The following SEMA4D variants were observed in gnomAD, a reference collection of about 807,000 sequenced individuals.
SEMA4D encodes the protein semaphorin-4D.
SEMA4D carries 22 observed loss-of-function variants against 74.8 expected under a neutral mutation model. The ratio of observed to expected loss-of-function variants is 0.29; its 90% CI spans 0.21 to 0.42. The LOEUF (loss-of-function observed/expected upper bound fraction) is 0.42. Among genes scored for constraint, SEMA4D ranks in the 10% least tolerant of loss-of-function variants. The pLI is 1.00. For synonymous variants in SEMA4D, 445 were observed against 463.7 expected (o/e 0.96, Z 0.52); for missense variants, 937 against 1,118.4 (o/e 0.84, Z 2.31).
chr9:89,449,692 T>A (rs536365947), intron 2 of SEMA4D: 2 of 1,519,340 alleles, frequency 1.3e-6, no homozygotes, highest in Non-Finnish European at 1.8e-6. Flanking sequence ...GGTGTGTCAG[T>A]ACTGAGCCTG....
At chr9:89,408,594 C>G (rs182873667) in intron 2 of SEMA4D, among the ~76,000 whole-genome samples, 2 of 152,210 alleles carry the variant, frequency 1.3e-5, no homozygotes, top group Non-Finnish European at 2.9e-5. Flanking sequence ...GCCAGGCTGC[C>G]CCATCCCTTA....
At position 89,381,136 on chromosome 9, in the gene SEMA4D, A is replaced by G; in HGVS notation, c.1619+38T>C. 2 of 1,614,052 alleles carry G rather than the reference A, an allele frequency of 1.2e-6. No individual in the cohort carries two copies. The highest frequency in any genetic ancestry group is 1.7e-6 in the Non-Finnish European group (2 of 1,179,992). ...CGGCACGTGTTATTCACCCACACACATGGGGGACATCCCCAGGCAGCGCAT... is the reference window on the plus strand; with the variant it reads ...CGGCACGTGTTATTCACCCACACACGTGGGGGACATCCCCAGGCAGCGCAT... On this transcript the variant is annotated intron_variant, in intron 14 of 15. Coordinates refer to ENST00000422704, the MANE Select transcript of SEMA4D (RefSeq NM_001371194.2). This position sits in a 1 kb window ranked among gnomAD's most constrained non-coding sequence, Gnocchi z 4.6.
In SEMA4D at chr9:89,484,191, G is replaced by A. The variant is rs957229690; in HGVS notation, c.-310+13728C>T. On this transcript the variant is annotated intron_variant, in intron 1 of 15. Transcript: ENST00000422704. This position sits in a 1 kb window ranked among gnomAD's most constrained non-coding sequence, Gnocchi z 4.1. ...ACCTGCAGCTGGGCTGCATCTGGGA[G>A]AGGCAAGCGAGGGGCCGGCCAGCTT... is the stretch of plus-strand genomic sequence containing the variant. Among the ~76,000 whole-genome samples the A allele has an allele frequency of 1.3e-5, 2 of 152,262 alleles. No homozygotes were observed. Among genetic ancestry groups the A allele is most frequent in the African/African-American group, 2.4e-5 (1 of 41,476 alleles).
At chr9:89,370,866 T>C (rs1312016809) in intron 16 of SEMA4D, among the ~76,000 whole-genome samples, 1 of 119,088 alleles carries the variant, frequency 8.4e-6, no homozygotes, top group African/African-American at 3.3e-5. Flanking sequence ...GTGTGGGATG[T>C]GGCGTGTGGG....
intron 18 of SEMA4D, among the ~76,000 whole-genome samples, chr9:89,363,270 C>G (rs983586704): frequency 5.3e-5 from 8 of 152,280 alleles, no homozygotes; most frequent in Non-Finnish European, 8.8e-5. Flanking sequence ...TGGGATTTCC[C>G]CCCCCAGTGT....
At chr9:89,396,342 A>T in intron 6 of SEMA4D, among the ~76,000 whole-genome samples, 1 of 152,180 alleles carries the variant, frequency 6.6e-6, no homozygotes, top group East Asian at 1.9e-4. Context: ...TGTCCTTTCC[A>T]GCACGTCCCC....
chr9:89,376,482 C>G (rs1477809471), downstream of SEMA4D: 4 of 183,636 alleles, frequency 2.2e-5, no homozygotes, highest in Admixed American at 1.9e-4. Context: ...GTTTTACTGG[C>G]ACACAGCCCT....
chr9:89,387,085 G>A (rs923964250), intron 12 of SEMA4D: 52 of 330,596 alleles, frequency 1.6e-4, no homozygotes, highest in Non-Finnish European at 2.2e-4. Flanking sequence ...TGCCCCCTGC[G>A]TGGGCACTGC....
At position 89,411,908 on chromosome 9, in the gene SEMA4D, T is replaced by C. The variant is rs1408674443; in HGVS notation, c.-243-6209A>G. 2.0e-5 allele frequency among the ~76,000 whole-genome samples: 3 copies of C among 152,238 alleles called. No homozygotes were observed. In the East Asian group the frequency reaches 5.8e-4, roughly 29 times the overall value. On this transcript the variant is annotated intron_variant, in intron 2 of 15. Transcript: ENST00000422704. Reference sequence around the variant, plus strand: ...TTTAATGCAGAATGCCAGCACCTAATGTGGCCAGCCTCTTCCACTCCACTC... The same window carrying C: ...TTTAATGCAGAATGCCAGCACCTAACGTGGCCAGCCTCTTCCACTCCACTC...
intron 1 of SEMA4D, chr9:89,472,338 C>A (rs147931986): frequency 3.0e-5 from 13 of 429,036 alleles, no homozygotes; most frequent in African/African-American, 2.7e-4. Flanking sequence ...GCAAAGTTAG[C>A]TGGGATTGAG....
chr9:89,495,168 G>A (rs763640507), intron 1 of SEMA4D, among the ~76,000 whole-genome samples: 6 of 152,124 alleles, frequency 3.9e-5, no homozygotes, highest in Non-Finnish European at 8.8e-5. Flanking sequence ...CAGGTGCTGT[G>A]GGAAGGCGGC....
In SEMA4D at chr9:89,450,659, G is replaced by GAAAAAAAAAAAAAAAAAAAAAAAAAAAAA. The variant is rs1564832883; in HGVS notation, c.-244+5228_-244+5229insTTTTTTTTTTTTTTTTTTTTTTTTTTTTT. On this transcript the variant is annotated intron_variant, in intron 2 of 15. Transcript: ENST00000422704. The stretch of plus-strand genomic sequence containing the variant: ...AGAGTTCTGCAAGTCGAAAAACCCA[G>GAAAAAAAAAAAAAAAAAAAAAAAAAAAAA]GAAAAAAAAAAAAAAAAAAAAAAAA... The GAAAAAAAAAAAAAAAAAAAAAAAAAAAAA allele has an allele frequency of 8.3e-5, 35 of 421,254 alleles. 9 individuals are homozygous for GAAAAAAAAAAAAAAAAAAAAAAAAAAAAA. Among genetic ancestry groups the GAAAAAAAAAAAAAAAAAAAAAAAAAAAAA allele is most frequent in the South Asian group, 2.2e-4 (9 of 40,176 alleles). The allele number at this position is 421,254 out of a possible 1,614,324, so 26.1% of individuals were successfully genotyped here. A position where few individuals can be genotyped will look rare whatever the true frequency, so the allele number is the denominator to read the frequency against.
intron 2 of SEMA4D, among the ~76,000 whole-genome samples, chr9:89,416,173 A>T (rs1845664773): frequency 6.6e-6 from 1 of 152,230 alleles, no homozygotes; most frequent in East Asian, 1.9e-4. Flanking sequence ...GGTGTGGGGT[A>T]AAGGACTTCT....
At chr9:89,401,416 GA>G (rs1303173666) in intron 4 of SEMA4D, among the ~76,000 whole-genome samples, 1 of 152,176 alleles carries the variant, frequency 6.6e-6, no homozygotes, top group Non-Finnish European at 1.5e-5. Flanking sequence ...CAGAAATTGA[GA>G]AATAAGCTAG....
At chr9:89,361,807 TCA>T (rs1377016252) in exon 19 of SEMA4D, 3 of 154,908 alleles carry the variant, frequency 1.9e-5, no homozygotes, top group East Asian at 1.9e-4. Context: ...AGATCGCATC[TCA>T]CAGTCATTCA....
intron 2 of SEMA4D, among the ~76,000 whole-genome samples, chr9:89,428,619 C>G (rs146384141): frequency 9.9e-5 from 15 of 151,724 alleles, no homozygotes; most frequent in Non-Finnish European, 2.9e-5. Flanking sequence ...GGTCATGCAG[C>G]GCAGGCCAGC....
intron 1 of SEMA4D, among the ~76,000 whole-genome samples, chr9:89,476,129 A>C (rs1371742084): frequency 3.3e-5 from 5 of 152,182 alleles, no homozygotes; most frequent in African/African-American, 7.2e-5. Flanking sequence ...AAGAAGTGCC[A>C]ACCTTCGGCC....
At chr9:89,445,620 G>A (rs1001543171) in intron 2 of SEMA4D, among the ~76,000 whole-genome samples, 1 of 152,162 alleles carries the variant, frequency 6.6e-6, no homozygotes, top group African/African-American at 2.4e-5. Context: ...GGGAGAGAGA[G>A]AGATTTATTA....
chr9:89,408,786 A>G (rs994343918), intron 2 of SEMA4D, among the ~76,000 whole-genome samples: 1 of 152,206 alleles, frequency 6.6e-6, no homozygotes, highest in Non-Finnish European at 1.5e-5. Context: ...GTGAAACCCA[A>G]TGAACTGACA....
Sources: gnomAD v4.1 joint callset for allele counts (sites outside exome capture counted in the v4.1 genomes callset) on GRCh38, gnomAD v4.1.1 for gene constraint, Gnocchi (gnomAD v3.1) non-coding constraint, MANE v1.5 for transcripts, NCBI Gene and HGNC (gene_info 2026-07-23, HGNC 2026-07-21) for gene names.